CCDC150: variants seen among roughly 807,000 people sequenced by gnomAD.
The protein encoded by CCDC150 is coiled-coil domain-containing protein 150.
Under a neutral mutation model 156.5 loss-of-function variants are expected in CCDC150, and 151 were observed. The ratio of observed to expected loss-of-function variants is 0.97; its 90% confidence interval spans 0.85 to 1.10. CCDC150 has a LOEUF of 1.10. Among genes scored for constraint, CCDC150 ranks in the 50% least tolerant of loss-of-function variants. CCDC150 has a pLI of 0.00. For missense variants in CCDC150, 1,312 were observed against 1,268.1 expected, an observed-to-expected ratio of 1.03 and a Z score of -0.53; for synonymous variants, 452 against 429.4, an observed-to-expected ratio of 1.05 and a Z score of -0.65.
At chr2:196,726,618 T>A (rs972971459) in intron 22 of CCDC150, 2 of 154,674 alleles carry the variant, frequency 1.3e-5, no homozygotes, top group African/African-American at 2.4e-5. Context: ...AAAGTTTATT[T>A]TAGGCCATTT....
At chr2:196,687,650 G>A (rs1335303052) in intron 13 of CCDC150, among the ~76,000 whole-genome samples, 3 of 152,126 alleles carry the variant, frequency 2.0e-5, no homozygotes, top group Admixed American at 6.5e-5. Flanking sequence ...TGCTTTTGAC[G>A]TCTTTGTCAT....
At chr2:196,685,850 G>A (rs867547367) in intron 13 of CCDC150, among the ~76,000 whole-genome samples, 4 of 151,886 alleles carry the variant, frequency 2.6e-5, no homozygotes, top group South Asian at 4.2e-4. Context: ...TCCTGACCTC[G>A]TGATCCGCCC....
chr2:196,698,783 G>A (rs997156569), intron 14 of CCDC150, among the ~76,000 whole-genome samples: 5 of 152,114 alleles, frequency 3.3e-5, no homozygotes, highest in African/African-American at 1.2e-4. Context: ...TTGGTGTGCT[G>A]CACCCATTAA....
chr2:196,648,484 G>A (rs773996805), intron 2 of CCDC150, among the ~76,000 whole-genome samples: 7 of 151,924 alleles, frequency 4.6e-5, no homozygotes, highest in Non-Finnish European at 7.4e-5. Context: ...AAAAAATAAG[G>A]TTGTTTTCTT....
At chr2:196,693,925 C>T (rs187433167) in intron 13 of CCDC150, among the ~76,000 whole-genome samples, 32 of 152,052 alleles carry the variant, frequency 2.1e-4, no homozygotes, top group South Asian at 6.2e-4. Context: ...TCTATTGAAA[C>T]GGTGTATTAT....
chr2:196,704,655 C>A (rs1031871120), intron 15 of CCDC150, among the ~76,000 whole-genome samples: 1 of 152,136 alleles, frequency 6.6e-6, no homozygotes, highest in Non-Finnish European at 1.5e-5. Context: ...CACCCATTAA[C>A]TCATCATTTA....
At chr2:196,718,952 AAGATTTCTATGATGCTTTCTCCTTAAC>A (rs1412543775) in intron 18 of CCDC150, among the ~76,000 whole-genome samples, 1 of 112,962 alleles carries the variant, frequency 8.9e-6, no homozygotes, top group Non-Finnish European at 2.2e-5. Context: ...AATGTGGTGT[AAGATTTCTATGATGCTTTCTCCTTAAC>A]AGTGTGTGTA....
chr2:196,663,140 G>A lies in CCDC150; in HGVS notation c.646-2427G>A, dbSNP rs147397239. ...TTTAGTACCAGGTACTCAGGAGGCT[G>A]AGGCGGGAGGATCACTTGAGTTGGG... On this transcript the variant is annotated intron_variant, in intron 5 of 27. Transcript: ENST00000389175. 2.5e-3 allele frequency among the ~76,000 whole-genome samples: 387 copies of A among 152,214 alleles called. 3 individuals carry two copies. Among genetic ancestry groups the A allele is most frequent in the African/African-American group, 8.8e-3 (367 of 41,490 alleles).
intron 13 of CCDC150, among the ~76,000 whole-genome samples, chr2:196,689,386 G>A (rs1328816864): frequency 6.6e-6 from 1 of 151,740 alleles, no homozygotes; most frequent in Non-Finnish European, 1.5e-5. Flanking sequence ...AGCATGGAAT[G>A]TTCTTCCATT....
intron 2 of CCDC150, among the ~76,000 whole-genome samples, chr2:196,656,110 A>G (rs1237760871): frequency 6.6e-6 from 1 of 152,134 alleles, no homozygotes; most frequent in African/African-American, 2.4e-5. Context: ...ACACACCCAT[A>G]TATAATCACC....
intron 13 of CCDC150, among the ~76,000 whole-genome samples, chr2:196,683,600 A>G (rs1024130656): frequency 2.6e-5 from 4 of 151,924 alleles, no homozygotes; most frequent in African/African-American, 9.7e-5. Context: ...TCTTCTTTAA[A>G]TATTTTGTAG....
At chr2:196,697,613 A>C (rs1278786512) in intron 14 of CCDC150, among the ~76,000 whole-genome samples, 1 of 152,210 alleles carries the variant, frequency 6.6e-6, no homozygotes, top group Non-Finnish European at 1.5e-5. Flanking sequence ...GTGTACACTC[A>C]TGCAGATGTC....
chr2:196,675,395 A>T (rs1694431118), intron 10 of CCDC150, among the ~76,000 whole-genome samples: 1 of 152,156 alleles, frequency 6.6e-6, no homozygotes, highest in Non-Finnish European at 1.5e-5. Flanking sequence ...AAATTTTGGA[A>T]TATAACAATT....
chr2:196,654,287 C>G (rs1010135084), intron 2 of CCDC150, among the ~76,000 whole-genome samples: 8 of 152,064 alleles, frequency 5.3e-5, no homozygotes, highest in Non-Finnish European at 8.8e-5. Flanking sequence ...TATGTCCTTC[C>G]CCAGGCTTGG....
chr2:196,726,548 CAG>C (rs1273501481), intron 22 of CCDC150: 3 of 155,424 alleles, frequency 1.9e-5, no homozygotes, highest in Admixed American at 1.9e-4. Context: ...GGGAAAACAT[CAG>C]AGAACTTTCT....
chr2:196,662,802 G>T (rs1476270606), intron 5 of CCDC150, among the ~76,000 whole-genome samples: 1 of 152,162 alleles, frequency 6.6e-6, no homozygotes, highest in African/African-American at 2.4e-5. Flanking sequence ...CAGGCACAGT[G>T]GTGTACACCT....
At chr2:196,647,246 A>T (rs1400209607) in intron 2 of CCDC150, among the ~76,000 whole-genome samples, 2 of 152,054 alleles carry the variant, frequency 1.3e-5, no homozygotes, top group East Asian at 1.9e-4. Flanking sequence ...GACTTTAAAA[A>T]TTTTCTAAAA....
At position 196,656,613 on chromosome 2, in the gene CCDC150, A is replaced by G; in HGVS notation, c.177-20A>G. On this transcript the variant is annotated intron_variant, in intron 2 of 27. Coordinates refer to ENST00000389175, the MANE Select transcript of CCDC150 (RefSeq NM_001080539.2). ...AGAAATTGCATTGCATAATATTGTT[A>G]TATTGGGATCTTTGTCCAGAGGCTA... The G allele has an allele frequency of 6.5e-7, 1 of 1,532,738 alleles. No homozygotes were observed. Among genetic ancestry groups the G allele is most frequent in the Non-Finnish European group, 8.9e-7 (1 of 1,118,438 alleles). The allele number at this position is 1,532,738 out of a possible 1,614,324, so 94.9% of individuals were successfully genotyped here.
chr2:196,672,451 A>G lies in CCDC150; in HGVS notation c.1029+14A>G. 2.2e-6 allele frequency: 3 copies of G among 1,374,942 alleles called. No individual in the cohort carries two copies. Among genetic ancestry groups the G allele is most frequent in the South Asian group, 1.6e-5 (1 of 61,252 alleles). 85.2% of individuals were successfully genotyped at this position (1,374,942 alleles called of 1,614,324 possible). ...GAAAAAGCACAAGTAAATGCTCATGATTTTGTTAGTTTTTAGATGTTATTT... is the reference window on the plus strand; with the variant it reads ...GAAAAAGCACAAGTAAATGCTCATGGTTTTGTTAGTTTTTAGATGTTATTT... On this transcript the variant is annotated intron_variant, in intron 9 of 27. Coordinates refer to ENST00000389175, the MANE Select transcript of CCDC150 (RefSeq NM_001080539.2).
Sources: allele counts gnomAD v4.1 joint callset (sites outside exome capture counted in the v4.1 genomes callset), GRCh38; gene constraint gnomAD v4.1.1; transcripts MANE v1.5; gene names NCBI Gene and HGNC (gene_info 2026-07-23, HGNC 2026-07-21).